ZNF555: variants seen among roughly 807,000 people sequenced by gnomAD.
ZNF555 encodes zinc finger protein 555.
A neutral mutation model predicts 14.0 loss-of-function variants in ZNF555; 10 were observed. The ratio of observed to expected loss-of-function variants is 0.72; its 90% CI spans 0.44 to 1.21. ZNF555 has a LOEUF of 1.21. ZNF555 is among the 50% of genes most tolerant of loss of function. The pLI is 0.00. For synonymous variants in ZNF555, 277 were observed against 262.4 expected (o/e 1.06, Z -0.54); for missense variants, 747 against 762.0 (o/e 0.98, Z 0.23).
rs2144866613 is a variant in ZNF555, at chr19:2,859,182, G to T, written c.*5230G>T. Reference sequence around the variant, plus strand: ...TCTAAAAGAGCTGTGCTTTGTTGGGGCTATCTGGGAGTTTCCGCCTTCCAT... The same window carrying T: ...TCTAAAAGAGCTGTGCTTTGTTGGGTCTATCTGGGAGTTTCCGCCTTCCAT... On this transcript the variant is annotated 3_prime_UTR_variant, in exon 4 of 4. Transcript: ENST00000334241. The T allele has an allele frequency of 6.6e-6, 1 of 152,396 alleles. No homozygotes were observed. Among genetic ancestry groups the T allele is most frequent in the African/African-American group, 2.4e-5 (1 of 41,596 alleles). The allele number at this position is 152,396 out of a possible 1,614,324, so 9.4% of individuals were successfully genotyped here. A position where few individuals can be genotyped will look rare whatever the true frequency, so the allele number is the denominator to read the frequency against.
chr19:2,841,617 G>T, intron 1 of ZNF555, 42 bp downstream of exon 1: 1 of 1,459,012 alleles, frequency 6.9e-7, no homozygotes, highest in East Asian at 3.0e-5. Flanking sequence ...GGGGCAGCAG[G>T]AACCGGCGAC....
Position 2,853,886 on chromosome 19 carries a change from T to G in ZNF555, c.1821T>G (p.Ser607Arg). The G allele has an allele frequency of 6.2e-7, 1 of 1,614,048 alleles. No homozygotes were observed. The highest frequency in any genetic ancestry group is 8.5e-7 in the Non-Finnish European group (1 of 1,180,026). The change falls in exon 4 of 4, where the codon AGT becomes AGG. Residue 607 changes from serine (S) to arginine (R), a missense_variant. Ser to Arg is a moderately radical substitution (Grantham distance 110). Transcript: ENST00000334241. ...GHPPANEFMC[S>R]ASEKSHQERD... ...CTCCTGCAAATGAATTCATGTGCAGTGCTTCAGAAAAGTCACACCAGGAGA... is the reference window on the plus strand; with the variant it reads ...CTCCTGCAAATGAATTCATGTGCAGGGCTTCAGAAAAGTCACACCAGGAGA...
chr19:2,847,021 A>G (rs1222912005), intron 1 of ZNF555, among the ~76,000 whole-genome samples: 1 of 152,192 alleles, frequency 6.6e-6, no homozygotes, highest in African/African-American at 2.4e-5. Flanking sequence ...TGGAGACCTA[A>G]TCTTAATACT....
chr19:2,842,809 G>A (rs1173425383), intron 1 of ZNF555, among the ~76,000 whole-genome samples: 1 of 152,210 alleles, frequency 6.6e-6, no homozygotes, highest in Non-Finnish European at 1.5e-5. Context: ...GTGACAGGCC[G>A]AGGGGAGCAG....
In ZNF555 at chr19:2,856,878, G is replaced by A. The variant is rs1014450653; in HGVS notation, c.*2926G>A. On this transcript the variant is annotated 3_prime_UTR_variant, in exon 4 of 4. Coordinates refer to ENST00000334241, the MANE Select transcript of ZNF555 (RefSeq NM_152791.5). Reference sequence around the variant, plus strand: ...GTAAAGCCACAGCAGCCAGTCATATGGGGGAGAAGAGGGGAATGTTTGATG... The same window carrying A: ...GTAAAGCCACAGCAGCCAGTCATATAGGGGAGAAGAGGGGAATGTTTGATG... 2 of 152,182 alleles carry A rather than the reference G, an allele frequency of 1.3e-5. No homozygotes were observed. Among genetic ancestry groups the A allele is most frequent in the African/African-American group, 4.8e-5 (2 of 41,424 alleles). The allele number at this position is 152,182 out of a possible 1,614,324, so 9.4% of individuals were successfully genotyped here.
chr19:2,853,729 T>A lies in ZNF555; in HGVS notation c.1664T>A (p.Met555Lys). The A allele has an allele frequency of 6.3e-7, 1 of 1,589,934 alleles. No individual in the cohort carries two copies. The highest frequency in any genetic ancestry group is 1.3e-5 in the African/African-American group (1 of 74,418). The change falls in exon 4 of 4, where the codon ATG (methionine) becomes AAG (lysine). Residue 555 changes from methionine to lysine, a missense_variant. Met to Lys is a moderately conservative substitution (Grantham distance 95, BLOSUM62 -1). Coordinates refer to ENST00000334241, the MANE Select transcript of ZNF555 (RefSeq NM_152791.5). ...FKWPSSLPIH[M>K]RLHTGEKPYQ... ...TGGCCATCATCTTTACCAATACATA[T>A]GAGACTGCACACTGGAGAGAAACCT...
rs1256387549 is a variant in ZNF555 at position 2,855,662 on chromosome 19, T to TA, written c.*1711dup. ...AACAAAGTACAAAAACTGGGTGACA[T>TA]AGGAAAACAAACTTTTTGTTTCTCA... On this transcript the variant is annotated 3_prime_UTR_variant, in exon 4 of 4. Coordinates refer to ENST00000334241, the MANE Select transcript of ZNF555 (RefSeq NM_152791.5). The TA allele has an allele frequency of 1.3e-5, 2 of 152,192 alleles. No homozygotes were observed. Among genetic ancestry groups the TA allele is most frequent in the Non-Finnish European group, 2.9e-5 (2 of 68,034 alleles). 9.4% of individuals were successfully genotyped at this position (152,192 alleles called of 1,614,324 possible). A position where few individuals can be genotyped will look rare whatever the true frequency, so the allele number is the denominator to read the frequency against.
chr19:2,853,861 C>T lies in ZNF555; in HGVS notation c.1796C>T (p.Pro599Leu). 1 of 1,613,972 alleles carries T rather than the reference C, an allele frequency of 6.2e-7. No individual in the cohort carries two copies. The highest frequency in any genetic ancestry group is 1.7e-5 in the Admixed American group (1 of 60,022). ...EKQYKCNVGH[P>L]PANEFMCSAS... ...CAGTATAAGTGTAATGTAGGACATC[C>T]TCCTGCAAATGAATTCATGTGCAGT... Residue 599 changes from proline to leucine, a missense_variant, in exon 4 of 4, where the codon CCT (proline) becomes CTT (leucine). Physicochemically the swap from Pro to Leu is moderately conservative, Grantham distance 98. Coordinates refer to ENST00000334241, the MANE Select transcript of ZNF555 (RefSeq NM_152791.5).
chr19:2,853,420 A>C lies in ZNF555; in HGVS notation c.1355A>C (p.Tyr452Ser). 2 of 1,614,186 alleles carry C rather than the reference A, an allele frequency of 1.2e-6. No homozygotes were observed. The highest frequency in any genetic ancestry group is 2.2e-5 in the South Asian group (2 of 91,086). Residue 452 changes from tyrosine to serine, a missense_variant, in exon 4 of 4, where the codon TAT (tyrosine) becomes TCT (serine). Transcript: ENST00000334241. The part of the protein sequence containing the change: ...HMRTHTREKP[Y>S]ECKQCGKAFS... ...AGAACACATACTAGAGAGAAACCCT[A>C]TGAATGTAAGCAGTGTGGGAAAGCC...
Position 2,851,477 on chromosome 19 carries a change from C to T in ZNF555, c.140C>T (p.Thr47Ile), listed in dbSNP as rs1262299151. Reference protein sequence around the residue: ...FQNLASVDDETQFKASGSVSQ... With the variant: ...FQNLASVDDEIQFKASGSVSQ... ...TACTTTTTGGTTTCAGATGATGAAA[C>T]TCAATTTAAGGCCAGTGGGTCAGTT... Residue 47 changes from threonine (T) to isoleucine (I), a missense_variant, in exon 3 of 4, where the codon ACT (threonine) becomes ATT (isoleucine). Transcript: ENST00000334241. 8 of 1,576,010 alleles carry T rather than the reference C, an allele frequency of 5.1e-6. No individual in the cohort carries two copies. In the East Asian group the frequency reaches 1.4e-4, roughly 27 times the overall value.
Position 2,848,733 on chromosome 19 carries a change from C to T in ZNF555, c.4-1854C>T, listed in dbSNP as rs1467957631. On this transcript the variant is annotated intron_variant, in intron 1 of 3. Transcript: ENST00000334241. ...AAAGTGCTGGGGTGACAGGTGGGAG[C>T]CATTGCATCTGGCCAGTACCCAGGA... Among the ~76,000 whole-genome samples the T allele has an allele frequency of 5.3e-5, 8 of 152,216 alleles. No homozygotes were observed. In the East Asian group the frequency reaches 1.3e-3, roughly 26 times the overall value.
At chr19:2,841,727 C>A in intron 1 of ZNF555, 152 bp downstream of exon 1, 2 of 934,630 alleles carry the variant, frequency 2.1e-6, no homozygotes, top group Non-Finnish European at 2.8e-6. Context: ...TCCCGCCCGG[C>A]CCCGCCTCCC....
In ZNF555 at chr19:2,857,709, G is replaced by A. The variant is rs2087695270; in HGVS notation, c.*3757G>A. 6.6e-6 allele frequency: 1 copy of A among 152,180 alleles called. No homozygotes were observed. The highest frequency in any genetic ancestry group is 1.5e-5 in the Non-Finnish European group (1 of 68,054). The allele number at this position is 152,180 out of a possible 1,614,324, so 9.4% of individuals were successfully genotyped here. A position where few individuals can be genotyped will look rare whatever the true frequency, so the allele number is the denominator to read the frequency against. ...TAAAGAACTCAAGACCAGGTGCAGT[G>A]GCTCATGCCTATAATCCCAGCACTT... On this transcript the variant is annotated 3_prime_UTR_variant, in exon 4 of 4. Coordinates refer to ENST00000334241, the MANE Select transcript of ZNF555 (RefSeq NM_152791.5).
Position 2,852,933 on chromosome 19 carries a change from G to A in ZNF555, c.868G>A (p.Ala290Thr). Residue 290 changes from alanine to threonine, a missense_variant, in exon 4 of 4, where the codon GCG becomes ACG. Coordinates refer to ENST00000334241, the MANE Select transcript of ZNF555 (RefSeq NM_152791.5). ...GAAGCCATATAAATGTAAGGAATGTGCGGAAGCCTTTAGTTATTCCTCAAC... is the reference window on the plus strand; with the variant it reads ...GAAGCCATATAAATGTAAGGAATGTACGGAAGCCTTTAGTTATTCCTCAAC... Reference protein sequence around the residue: ...GEKPYKCKECAEAFSYSSTFR... With the variant: ...GEKPYKCKECTEAFSYSSTFR... 1 of 1,614,228 alleles carries A rather than the reference G, an allele frequency of 6.2e-7. No homozygotes were observed. The highest frequency in any genetic ancestry group is 8.5e-7 in the Non-Finnish European group (1 of 1,180,036).
chr19:2,844,713 C>A (rs1448499135), intron 1 of ZNF555, among the ~76,000 whole-genome samples: 1 of 152,246 alleles, frequency 6.6e-6, no homozygotes, highest in Non-Finnish European at 1.5e-5. Context: ...CAAATCCAGG[C>A]TAGCTTATGC....
rs758139000 is a variant in ZNF555 at position 2,854,286 on chromosome 19, C to T, written c.*334C>T. 1 of 234,418 alleles carries T rather than the reference C, an allele frequency of 4.3e-6. No individual in the cohort carries two copies. Among genetic ancestry groups the T allele is most frequent in the African/African-American group, 2.3e-5 (1 of 43,002 alleles). The allele number at this position is 234,418 out of a possible 1,614,324, so 14.5% of individuals were successfully genotyped here. A position where few individuals can be genotyped will look rare whatever the true frequency, so the allele number is the denominator to read the frequency against. Reference sequence around the variant, plus strand: ...ATTTTTATTGTTTGGCCAGAGGAGCCTTATTCCATTTTTTAAGAAGTAGTT... The same window carrying T: ...ATTTTTATTGTTTGGCCAGAGGAGCTTTATTCCATTTTTTAAGAAGTAGTT... On this transcript the variant is annotated 3_prime_UTR_variant, in exon 4 of 4. Coordinates refer to ENST00000334241, the MANE Select transcript of ZNF555 (RefSeq NM_152791.5).
intron 1 of ZNF555, among the ~76,000 whole-genome samples, chr19:2,847,627 T>TA (rs757726931): frequency 8.5e-5 from 13 of 152,232 alleles, no homozygotes; most frequent in Non-Finnish European, 1.5e-4. Flanking sequence ...CTGATGCTAA[T>TA]AAAGTTACTT....
Position 2,853,366 on chromosome 19 carries a change from A to G in ZNF555, c.1301A>G (p.Asn434Ser), listed in dbSNP as rs114206435. The G allele has an allele frequency of 5.5e-4, 888 of 1,614,010 alleles. 2 individuals are homozygous for G. The highest frequency in any genetic ancestry group is 1.4e-3 in the East Asian group (64 of 44,872). Residue 434 changes from asparagine to serine, a missense_variant, in exon 4 of 4, where the codon AAT (asparagine) becomes AGT (serine). Coordinates refer to ENST00000334241, the MANE Select transcript of ZNF555 (RefSeq NM_152791.5). Reference protein sequence around the residue: ...YECKQCGKTFNWPISLRKHMR... With the variant: ...YECKQCGKTFSWPISLRKHMR... ...TGCAAGCAATGTGGGAAAACTTTCA[A>G]TTGGCCCATATCTTTACGAAAACAT...
chr19:2,848,302 C>T (rs943833943), intron 1 of ZNF555, among the ~76,000 whole-genome samples: 2 of 151,976 alleles, frequency 1.3e-5, no homozygotes, highest in Admixed American at 1.3e-4. Flanking sequence ...CAGGCGCCCA[C>T]CACCACGCCC....
Sources: gnomAD v4.1 joint callset for allele counts (sites outside exome capture counted in the v4.1 genomes callset) on GRCh38, gnomAD v4.1.1 for gene constraint, MANE v1.5 for transcripts, NCBI Gene and HGNC (gene_info 2026-07-23, HGNC 2026-07-21) for gene names.